Variants in PALM2AKAP2 observed in about 807,000 individuals in gnomAD.
PALM2AKAP2 encodes the protein PALM2-AKAP2 fusion protein.
Under a neutral mutation model 71.5 loss-of-function variants are expected in PALM2AKAP2, and 37 were observed. The ratio of observed to expected loss-of-function variants is 0.52; its 90% CI spans 0.40 to 0.68. The LOEUF is 0.68. Among genes scored for constraint, PALM2AKAP2 ranks in the 30% least tolerant of loss-of-function variants. The probability of loss-of-function intolerance (pLI) is 0.00; values close to 1 mark genes in which losing one functional copy is unlikely to be tolerated. For missense variants in PALM2AKAP2, 1,224 were observed against 1,191.8 expected, an observed-to-expected ratio of 1.03 and a Z score of -0.40; for synonymous variants, 468 against 478.8, an observed-to-expected ratio of 0.98 and a Z score of 0.29.
intron 3 of PALM2AKAP2, among the ~76,000 whole-genome samples, chr9:110,161,707 G>A (rs940333976): frequency 2.6e-5 from 4 of 152,054 alleles, no homozygotes; most frequent in Non-Finnish European, 4.4e-5. Flanking sequence ...AGAAGCCTAC[G>A]GGAAGAGAAA....
chr9:109,718,080 C>CT (rs1006220276), intron 1 of PALM2AKAP2, among the ~76,000 whole-genome samples: 22 of 151,842 alleles, frequency 1.4e-4, no homozygotes, highest in African/African-American at 4.8e-4. Flanking sequence ...TTCTTTCTTT[C>CT]TTTTTTTTAA....
At chr9:109,966,599 G>A (rs925998550) in intron 6 of PALM2AKAP2, among the ~76,000 whole-genome samples, 5 of 152,216 alleles carry the variant, frequency 3.3e-5, no homozygotes, top group Admixed American at 6.5e-5. Flanking sequence ...TCTTACAATA[G>A]TATTCAGCAC....
chr9:109,859,472 G>A (rs554328852), intron 1 of PALM2AKAP2, among the ~76,000 whole-genome samples: 2 of 152,252 alleles, frequency 1.3e-5, no homozygotes, highest in South Asian at 4.1e-4. Flanking sequence ...ACGAGATGGT[G>A]GATGTCCTGA....
chr9:109,656,965 T>C (rs1044742455), intron 1 of PALM2AKAP2, among the ~76,000 whole-genome samples: 1 of 152,194 alleles, frequency 6.6e-6, no homozygotes, highest in African/African-American at 2.4e-5. Context: ...AGCTAAGAGG[T>C]CCCTCCCAAC....
At chr9:109,696,913 A>G (rs1827979019) in intron 1 of PALM2AKAP2, among the ~76,000 whole-genome samples, 1 of 152,042 alleles carries the variant, frequency 6.6e-6, no homozygotes, top group South Asian at 2.1e-4. Flanking sequence ...AAAACTCAAA[A>G]TGTTTTCCTG....
chr9:109,708,613 C>A (rs1476521294), intron 1 of PALM2AKAP2, among the ~76,000 whole-genome samples: 1 of 152,196 alleles, frequency 6.6e-6, no homozygotes, highest in East Asian at 1.9e-4. Context: ...AGCTGAGGAA[C>A]TTGCGAGGCT....
intron 3 of PALM2AKAP2, among the ~76,000 whole-genome samples, chr9:109,893,980 G>C (rs967878536): frequency 1.5e-5 from 2 of 137,492 alleles, no homozygotes; most frequent in African/African-American, 5.5e-5. Flanking sequence ...TAAAATAAAA[G>C]TTGAAGGAAA....
chr9:110,006,346 C>CTTTA (rs548118160), intron 6 of PALM2AKAP2, among the ~76,000 whole-genome samples: 1 of 131,424 alleles, frequency 7.6e-6, no homozygotes, highest in African/African-American at 3.0e-5. Flanking sequence ...TTCTTTCTTT[C>CTTTA]TTTCTTTCTT....
At chr9:110,141,337 A>G (rs747554187) in intron 2 of PALM2AKAP2, among the ~76,000 whole-genome samples, 2 of 152,138 alleles carry the variant, frequency 1.3e-5, no homozygotes, top group Non-Finnish European at 2.9e-5. Flanking sequence ...TCATCCGTGC[A>G]AGTCTGTTCC....
intron 7 of PALM2AKAP2, among the ~76,000 whole-genome samples, chr9:110,021,279 G>A (rs1041772339): frequency 5.3e-5 from 8 of 152,156 alleles, no homozygotes; most frequent in Non-Finnish European, 1.2e-4. Context: ...CAAGAAACAC[G>A]TGGATCCACC....
At chr9:110,137,076 TGCAGAAGCAGTTACAGCA>T (rs1376904024) in exon 2 of PALM2AKAP2, 1 of 1,613,638 alleles carries the variant, frequency 6.2e-7, no homozygotes, top group Non-Finnish European at 8.5e-7. Context: ...CAGTTGCTGC[TGCAGAAGCAGTTACAGCA>T]GCAGCAGCAG....
chr9:109,977,720 G>A (rs762355308), intron 6 of PALM2AKAP2, among the ~76,000 whole-genome samples: 11 of 152,164 alleles, frequency 7.2e-5, no homozygotes, highest in Admixed American at 2.6e-4. Context: ...GTCTGCAAGC[G>A]TGACACATCA....
chr9:110,001,662 C>T (rs1192593384), intron 6 of PALM2AKAP2, among the ~76,000 whole-genome samples: 1 of 152,170 alleles, frequency 6.6e-6, no homozygotes, highest in Non-Finnish European at 1.5e-5. Flanking sequence ...AATGTTCATG[C>T]TTTTGTTTGT....
intron 1 of PALM2AKAP2, among the ~76,000 whole-genome samples, chr9:109,720,149 C>T (rs1327492248): frequency 6.6e-6 from 1 of 152,036 alleles, no homozygotes; most frequent in Non-Finnish European, 1.5e-5. Context: ...CTACTGCGCC[C>T]AGCTAATTTT....
At chr9:109,667,357 T>C (rs912961117) in intron 1 of PALM2AKAP2, among the ~76,000 whole-genome samples, 4 of 152,104 alleles carry the variant, frequency 2.6e-5, no homozygotes, top group African/African-American at 7.2e-5. Flanking sequence ...AAGATGTTTT[T>C]CAAAAATTAC....
Position 110,014,800 on chromosome 9 carries a change from AAAAATGT to A in PALM2AKAP2, c.497-1152_497-1146del, listed in dbSNP as rs1832943848. 2.2e-3 allele frequency among the ~76,000 whole-genome samples: 114 copies of A among 51,710 alleles called. 2 individuals are homozygous for A. The highest frequency in any genetic ancestry group is 5.1e-3 in the African/African-American group (70 of 13,714). 33.9% of individuals were successfully genotyped at this position (51,710 alleles called of 152,430 possible). The stretch of plus-strand genomic sequence containing the variant: ...GTCTCAAAAAAAAAAAAAAAAAAAA[AAAAATGT>A]ATATATATATATATATATATATATA... On this transcript the variant is annotated intron_variant, in intron 6 of 9. Transcript: ENST00000302798.
chr9:110,088,210 A>C (rs1435069890), intron 1 of PALM2AKAP2, among the ~76,000 whole-genome samples: 3 of 151,388 alleles, frequency 2.0e-5, no homozygotes, highest in Admixed American at 6.6e-5. Context: ...TACCCTTTAG[A>C]GATTTCCCAT....
chr9:110,084,679 TA>T lies in PALM2AKAP2; in HGVS notation c.156+35832del, dbSNP rs1010283721. On this transcript the variant is annotated intron_variant, in intron 1 of 3. Coordinates refer to ENST00000374525, the Ensembl canonical transcript of PALM2AKAP2. ...TACTGTATTATTTAGGGAATCATGA[TA>T]AAAAAAAGTCTGTGGGTGTTCACTA... 5.1e-4 allele frequency among the ~76,000 whole-genome samples: 77 copies of T among 151,750 alleles called. 1 individual carries two copies. The highest frequency in any genetic ancestry group is 8.5e-4 in the Admixed American group (13 of 15,232).
At chr9:109,790,188 G>A (rs1827077547) in intron 1 of PALM2AKAP2, among the ~76,000 whole-genome samples, 1 of 152,112 alleles carries the variant, frequency 6.6e-6, no homozygotes, top group Admixed American at 6.5e-5. Flanking sequence ...CATTTCCCTT[G>A]TGGAAGCCTA....
Sources: gnomAD v4.1 joint callset for allele counts (sites outside exome capture counted in the v4.1 genomes callset) on GRCh38, gnomAD v4.1.1 for gene constraint, MANE v1.5 for transcripts, NCBI Gene and HGNC (gene_info 2026-07-23, HGNC 2026-07-21) for gene names.